LYPD6B: variants seen among roughly 807,000 people sequenced by gnomAD.
LYPD6B encodes the protein ly6/PLAUR domain-containing protein 6B.
In LYPD6B, 17 loss-of-function variants were observed where a neutral mutation model predicts 22.8. The ratio of observed to expected loss-of-function variants is 0.75; its 90% CI spans 0.51 to 1.12. The LOEUF (loss-of-function observed/expected upper bound fraction) is 1.12. LYPD6B is among the 50% of genes most tolerant of loss of function. The pLI is 0.00. For synonymous variants in LYPD6B, 106 were observed against 91.6 expected (o/e 1.16, Z -0.90); for missense variants, 221 against 258.3 (o/e 0.86, Z 0.99).
At chr2:149,177,148 C>T (rs914367677) in intron 3 of LYPD6B, among the ~76,000 whole-genome samples, 13 of 152,184 alleles carry the variant, frequency 8.5e-5, no homozygotes, top group African/African-American at 2.9e-4. Context: ...GTGGAATTGG[C>T]AGCATCTGTG....
intron 1 of LYPD6B, among the ~76,000 whole-genome samples, chr2:149,117,637 C>T (rs1687073050): frequency 6.6e-6 from 1 of 152,116 alleles, no homozygotes; most frequent in South Asian, 2.1e-4. Flanking sequence ...ATTAAGGCCA[C>T]TTTCCTTTGT....
At chr2:149,152,007 C>G (rs436402) in intron 2 of LYPD6B, among the ~76,000 whole-genome samples, 42,450 of 151,982 alleles carry the variant, frequency 0.28, 7,273 homozygotes, top group East Asian at 0.55. Context: ...CCTCACTCTC[C>G]GACATTTGCT....
intron 3 of LYPD6B, among the ~76,000 whole-genome samples, chr2:149,173,975 G>A (rs925137671): frequency 4.6e-5 from 7 of 152,266 alleles, no homozygotes; most frequent in South Asian, 4.1e-4. Flanking sequence ...TCTATAAATT[G>A]CTTTGGGCAG....
At chr2:149,057,394 T>G (rs143041509) in intron 1 of LYPD6B, among the ~76,000 whole-genome samples, 231 of 135,908 alleles carry the variant, frequency 1.7e-3, no homozygotes, top group African/African-American at 5.2e-3. Context: ...CCTGCACTTT[T>G]TTTTTTTAAT....
At chr2:149,047,478 C>T (rs1418698514) in intron 1 of LYPD6B, among the ~76,000 whole-genome samples, 1 of 151,984 alleles carries the variant, frequency 6.6e-6, no homozygotes, top group Non-Finnish European at 1.5e-5. Flanking sequence ...TGTTCCTTTT[C>T]ATTTGATGTT....
chr2:149,162,933 T>C (rs1383453925), intron 3 of LYPD6B, among the ~76,000 whole-genome samples: 1 of 152,166 alleles, frequency 6.6e-6, no homozygotes, highest in Non-Finnish European at 1.5e-5. Flanking sequence ...GTGCGGAGTT[T>C]CTGCTCACCA....
chr2:149,053,817 T>A (rs561049968), intron 1 of LYPD6B, among the ~76,000 whole-genome samples: 1 of 152,332 alleles, frequency 6.6e-6, no homozygotes, highest in East Asian at 1.9e-4. Context: ...CTCTGGACAT[T>A]TCATATAGAT....
intron 1 of LYPD6B, among the ~76,000 whole-genome samples, chr2:149,122,284 G>A (rs996248056): frequency 6.6e-6 from 1 of 152,098 alleles, no homozygotes; most frequent in Admixed American, 6.5e-5. Context: ...TAGTCATCTT[G>A]TGTTAGCTCT....
chr2:149,142,092 A>G (rs997518919), intron 2 of LYPD6B: 4 of 152,226 alleles, frequency 2.6e-5, no homozygotes, highest in Admixed American at 2.0e-4. Flanking sequence ...CATGCTGCAT[A>G]TTAGAAACTT....
At chr2:149,166,396 G>A (rs937311582) in intron 3 of LYPD6B, among the ~76,000 whole-genome samples, 1 of 152,160 alleles carries the variant, frequency 6.6e-6, no homozygotes, top group Non-Finnish European at 1.5e-5. Context: ...GTTACAATAA[G>A]AAGTTACTTA....
Position 149,070,831 on chromosome 2 carries a change from C to G in LYPD6B, c.-67+32030C>G, listed in dbSNP as rs147631204. On this transcript the variant is annotated intron_variant, in intron 1 of 6. Coordinates refer to ENST00000409642, the MANE Select transcript of LYPD6B (RefSeq NM_177964.5). ...CTGTGAAACCAGTAAACACCTCTCT[C>G]TCTACATGATTCTACTATTTCATAC... 4.6e-5 allele frequency among the ~76,000 whole-genome samples: 7 copies of G among 152,314 alleles called. No homozygotes were observed. In the East Asian group the frequency reaches 1.3e-3, roughly 29 times the overall value.
chr2:149,141,444 G>T (rs184866713), intron 2 of LYPD6B, among the ~76,000 whole-genome samples: 1 of 152,176 alleles, frequency 6.6e-6, no homozygotes, highest in South Asian at 2.1e-4. Context: ...TGGAAATGTC[G>T]TTAGGAATTA....
At chr2:149,075,932 A>G (rs1481371132) in intron 1 of LYPD6B, among the ~76,000 whole-genome samples, 1 of 152,240 alleles carries the variant, frequency 6.6e-6, no homozygotes, top group Non-Finnish European at 1.5e-5. Context: ...AAAAGCAAAG[A>G]CAAAAAGCCT....
chr2:149,124,909 G>T (rs1297274121), intron 1 of LYPD6B, among the ~76,000 whole-genome samples: 1 of 152,110 alleles, frequency 6.6e-6, no homozygotes, highest in Non-Finnish European at 1.5e-5. Context: ...GCCACAAGAA[G>T]CTTCTGTAGG....
intron 2 of LYPD6B, among the ~76,000 whole-genome samples, chr2:149,132,634 G>C (rs570868232): frequency 4.8e-4 from 73 of 151,948 alleles, no homozygotes; most frequent in Non-Finnish European, 8.4e-4. Flanking sequence ...TACTGCTAAA[G>C]ACTGGGGACA....
intron 2 of LYPD6B, among the ~76,000 whole-genome samples, chr2:149,159,356 C>T (rs1337870517): frequency 1.3e-5 from 2 of 152,098 alleles, no homozygotes; most frequent in African/African-American, 4.8e-5. Context: ...TTCTTCTTTG[C>T]TTTGGCTACT....
At chr2:149,081,924 A>G (rs1054263280) in intron 1 of LYPD6B, among the ~76,000 whole-genome samples, 6 of 152,096 alleles carry the variant, frequency 3.9e-5, no homozygotes, top group African/African-American at 1.4e-4. Context: ...ATTTATCCCA[A>G]TGGTTGTATG....
At chr2:149,087,796 C>A (rs890083521) in intron 1 of LYPD6B, among the ~76,000 whole-genome samples, 6 of 152,128 alleles carry the variant, frequency 3.9e-5, no homozygotes, top group African/African-American at 7.2e-5. Flanking sequence ...ATCCCTGGGC[C>A]CTATGCCGTG....
At chr2:149,063,254 T>TC in intron 1 of LYPD6B, among the ~76,000 whole-genome samples, 1 of 152,324 alleles carries the variant, frequency 6.6e-6, no homozygotes, top group Non-Finnish European at 1.5e-5. Flanking sequence ...TTTATTTTTT[T>TC]CGGGCCAAGG....
Sources: gnomAD v4.1 joint callset for allele counts (sites outside exome capture counted in the v4.1 genomes callset) on GRCh38, gnomAD v4.1.1 for gene constraint, MANE v1.5 for transcripts, NCBI Gene and HGNC (gene_info 2026-07-23, HGNC 2026-07-21) for gene names.